Variants in FRMD3 observed in about 807,000 individuals in gnomAD.
The protein encoded by FRMD3 is FERM domain containing 3, also known as FERM domain-containing protein 3.
In FRMD3, 33 loss-of-function variants were observed where a neutral mutation model predicts 70.2. The ratio of observed to expected loss-of-function variants is 0.47; its 90% CI spans 0.36 to 0.63. FRMD3 has a LOEUF of 0.63. Ranked by LOEUF, FRMD3 falls within the 20% of genes least tolerant of loss-of-function variation. FRMD3 has a pLI of 0.00. For synonymous variants in FRMD3, 279 were observed against 255.9 expected (o/e 1.09, Z -0.86); for missense variants, 632 against 711.4 (o/e 0.89, Z 1.27).
intron 3 of FRMD3, among the ~76,000 whole-genome samples, chr9:83,362,278 C>T (rs1280864825): frequency 6.6e-6 from 1 of 151,882 alleles, no homozygotes; most frequent in Non-Finnish European, 1.5e-5. Flanking sequence ...TTAGATTAGC[C>T]CCAAGGGGGA....
chr9:83,393,421 C>A (rs982642573), intron 1 of FRMD3, among the ~76,000 whole-genome samples: 1 of 152,150 alleles, frequency 6.6e-6, no homozygotes, highest in Non-Finnish European at 1.5e-5. Context: ...ACCAGTTTCA[C>A]GGAAGATAAT....
Position 83,349,675 on chromosome 9 carries a change from A to G in FRMD3, c.374+4T>C. On this transcript the variant is annotated splice_donor_region_variant and intron_variant, in intron 4 of 13. Coordinates refer to ENST00000304195, the MANE Select transcript of FRMD3 (RefSeq NM_174938.6). ...CGTTAAACATACAAACAAACAAAAA[A>G]TACCTTGTGAGCTCTTCTTTAATCT... The G allele has an allele frequency of 6.2e-7, 1 of 1,604,780 alleles. No homozygotes were observed. Among genetic ancestry groups the G allele is most frequent in the South Asian group, 1.1e-5 (1 of 90,064 alleles).
chr9:83,415,303 G>T (rs1254289600), intron 1 of FRMD3, among the ~76,000 whole-genome samples: 2 of 152,192 alleles, frequency 1.3e-5, no homozygotes, highest in Admixed American at 6.5e-5. Context: ...GCAGAGAGTG[G>T]CTCTGGAGGA....
chr9:83,562,110 G>A, the FRMD3 span, among the ~76,000 whole-genome samples: 1 of 152,204 alleles, frequency 6.6e-6, no homozygotes, highest in Non-Finnish European at 1.5e-5. Flanking sequence ...GTATGAGATA[G>A]GAAAGTGAAC....
chr9:83,282,213 G>A (rs1296829100), intron 13 of FRMD3, among the ~76,000 whole-genome samples: 2 of 152,214 alleles, frequency 1.3e-5, no homozygotes. Context: ...GTATGTGCTA[G>A]ATCAGAGGCC....
At chr9:83,423,539 A>T (rs904330539) in intron 1 of FRMD3, among the ~76,000 whole-genome samples, 2 of 145,336 alleles carry the variant, frequency 1.4e-5, no homozygotes, top group Non-Finnish European at 3.0e-5. Context: ...GTAGCTATTT[A>T]AATTTTAATT....
At chr9:83,252,025 C>A (rs539957663) in intron 13 of FRMD3, among the ~76,000 whole-genome samples, 1 of 152,186 alleles carries the variant, frequency 6.6e-6, no homozygotes, top group Admixed American at 6.5e-5. Context: ...ATGCAGAGAA[C>A]CCCAGTACAT....
At chr9:83,559,552 T>C in the FRMD3 span, among the ~76,000 whole-genome samples, 1 of 152,194 alleles carries the variant, frequency 6.6e-6, no homozygotes, top group Non-Finnish European at 1.5e-5. Flanking sequence ...CTAGACAAAA[T>C]GTAATTGTGT....
At chr9:83,545,605 C>G in the FRMD3 span, among the ~76,000 whole-genome samples, 1 of 152,004 alleles carries the variant, frequency 6.6e-6, no homozygotes, top group Admixed American at 6.6e-5. Context: ...GATCTGCCCC[C>G]CTCGGCCTCC....
At chr9:83,424,811 C>T (rs1190646440) in intron 1 of FRMD3, among the ~76,000 whole-genome samples, 1 of 152,148 alleles carries the variant, frequency 6.6e-6, no homozygotes, top group Non-Finnish European at 1.5e-5. Flanking sequence ...TATAACTATC[C>T]ACACAAAGTA....
intron 1 of FRMD3, among the ~76,000 whole-genome samples, chr9:83,417,462 T>C (rs1826490361): frequency 6.6e-6 from 1 of 152,202 alleles, no homozygotes; most frequent in African/African-American, 2.4e-5. Flanking sequence ...CACTAATGAG[T>C]GATGACTCAT....
At chr9:83,428,517 A>ACC (rs1247121342) in intron 1 of FRMD3, among the ~76,000 whole-genome samples, 6 of 152,030 alleles carry the variant, frequency 3.9e-5, no homozygotes, top group Admixed American at 3.3e-4. Context: ...AACCACACAC[A>ACC]CACACACATA....
chr9:83,486,287 A>G lies in FRMD3; in HGVS notation c.147+51798T>C, dbSNP rs180749572. On this transcript the variant is annotated intron_variant, in intron 1 of 13. Coordinates refer to ENST00000304195, the MANE Select transcript of FRMD3 (RefSeq NM_174938.6). ...TGACTGTCACCAAGCATCTCTTCCA[A>G]GCTGTCCACATTACAATCACCTAGG... Among the ~76,000 whole-genome samples, 586 of 152,208 alleles carry G rather than the reference A, an allele frequency of 3.8e-3. 4 individuals carry two copies. The highest frequency in any genetic ancestry group is 5.1e-3 in the Non-Finnish European group (347 of 68,008).
intron 13 of FRMD3, chr9:83,267,094 T>G: frequency 2.6e-6 from 4 of 1,550,730 alleles, no homozygotes; most frequent in Non-Finnish European, 3.5e-6. Context: ...CCATGTGCAA[T>G]TGGAGGCTTC....
At chr9:83,521,971 T>C (rs1829580943) in intron 1 of FRMD3, among the ~76,000 whole-genome samples, 1 of 152,160 alleles carries the variant, frequency 6.6e-6, no homozygotes. Flanking sequence ...TCTTGGCCCT[T>C]CCCAGGCTGG....
intron 6 of FRMD3, among the ~76,000 whole-genome samples, chr9:83,321,877 T>C (rs1464364591): frequency 2.0e-5 from 3 of 152,152 alleles, no homozygotes; most frequent in African/African-American, 4.8e-5. Context: ...TGCATATATA[T>C]CTAGAATTGT....
At chr9:83,493,072 C>A (rs968041343) in intron 1 of FRMD3, among the ~76,000 whole-genome samples, 2 of 152,144 alleles carry the variant, frequency 1.3e-5, no homozygotes, top group Non-Finnish European at 2.9e-5. Context: ...CACCCACTGC[C>A]TCTCCCTGTG....
At chr9:83,428,873 G>A (rs1392570593) in intron 1 of FRMD3, among the ~76,000 whole-genome samples, 1 of 151,936 alleles carries the variant, frequency 6.6e-6, no homozygotes, top group Non-Finnish European at 1.5e-5. Flanking sequence ...TCATTATCTT[G>A]ATAATGATGT....
chr9:83,496,365 GGT>G (rs1252760225), intron 1 of FRMD3, among the ~76,000 whole-genome samples: 2 of 152,096 alleles, frequency 1.3e-5, no homozygotes, highest in African/African-American at 4.8e-5. Flanking sequence ...GACACTAGCT[GGT>G]GTTTCATCAT....
Sources: allele counts gnomAD v4.1 joint callset (sites outside exome capture counted in the v4.1 genomes callset), GRCh38; gene constraint gnomAD v4.1.1; transcripts MANE v1.5; gene names NCBI Gene and HGNC (gene_info 2026-07-23, HGNC 2026-07-21).